The following RMDN2 variants were observed in gnomAD, a reference collection of about 807,000 sequenced individuals.
RMDN2 encodes regulator of microtubule dynamics protein 2.
Under a neutral mutation model 52.8 loss-of-function variants are expected in RMDN2, and 61 were observed. That is an observed-to-expected ratio of 1.16 (90% confidence interval 0.94 to 1.43). RMDN2 has a LOEUF of 1.43. Ranked by LOEUF, RMDN2 falls within the 40% of genes most tolerant of loss-of-function variation. The pLI, the probability that RMDN2 is intolerant of heterozygous loss-of-function variation, is 0.00. For missense variants in RMDN2, 592 were observed against 475.3 expected (o/e 1.25, Z -2.28); for synonymous variants, 180 against 153.1 (o/e 1.18, Z -1.30).
chr2:38,009,075 C>T (rs765383744), intron 10 of RMDN2, among the ~76,000 whole-genome samples: 1 of 152,230 alleles, frequency 6.6e-6, no homozygotes, highest in African/African-American at 2.4e-5. Flanking sequence ...GAGAGATCAG[C>T]TGTTAGTCTG....
intron 10 of RMDN2, among the ~76,000 whole-genome samples, chr2:38,008,824 T>A (rs1468517869): frequency 6.6e-6 from 1 of 152,204 alleles, no homozygotes; most frequent in Non-Finnish European, 1.5e-5. Context: ...ATTTGGCATG[T>A]TTTTGCAGTG....
At chr2:37,991,071 A>G (rs541641797) in intron 6 of RMDN2, 149 bp from the exon 7 acceptor site, 15 of 403,462 alleles carry the variant, frequency 3.7e-5, no homozygotes, top group Non-Finnish European at 6.3e-5. Context: ...TAATTTAGTT[A>G]TTGATAAGAT....
At chr2:37,968,847 G>A (rs530824782) in intron 2 of RMDN2, among the ~76,000 whole-genome samples, 1 of 152,314 alleles carries the variant, frequency 6.6e-6, no homozygotes, top group Admixed American at 6.5e-5. Flanking sequence ...GCCTTTGGGA[G>A]GAGGGCTGGG....
intron 5 of RMDN2, among the ~76,000 whole-genome samples, chr2:37,988,868 A>G (rs1345556034): frequency 6.6e-6 from 1 of 152,216 alleles, no homozygotes; most frequent in African/African-American, 2.4e-5. Context: ...CTTAAAGTCA[A>G]ATAACTATTT....
At position 37,970,515 on chromosome 2, in the gene RMDN2, T is replaced by G. The variant is rs562649253; in HGVS notation, c.453-3525T>G. Among the ~76,000 whole-genome samples, 8 of 152,300 alleles carry G rather than the reference T, an allele frequency of 5.3e-5. No individual in the cohort carries two copies. The East Asian group carries it at 1.5e-3, about 29-fold the overall frequency. Reference sequence around the variant, plus strand: ...ATTTTTATTTTTTGTAATATTCATGTTTGGTTTTTGTGTCAGTTATATTAG... The same window carrying G: ...ATTTTTATTTTTTGTAATATTCATGGTTGGTTTTTGTGTCAGTTATATTAG... On this transcript the variant is annotated intron_variant, in intron 2 of 10. Coordinates refer to ENST00000354545, the MANE Select transcript of RMDN2 (RefSeq NM_001170791.3).
intron 2 of RMDN2, among the ~76,000 whole-genome samples, chr2:37,932,665 G>C (rs1276956802): frequency 6.7e-6 from 1 of 149,502 alleles, no homozygotes; most frequent in Non-Finnish European, 1.5e-5. Context: ...CTCACCTCAC[G>C]GGGCGGCTGG....
intron 2 of RMDN2, among the ~76,000 whole-genome samples, chr2:37,943,933 C>T (rs768186752): frequency 2.1e-4 from 32 of 152,022 alleles, no homozygotes; most frequent in Admixed American, 3.9e-4. Context: ...TAAGAAAAAA[C>T]GATGGTCATA....
intron 10 of RMDN2, among the ~76,000 whole-genome samples, chr2:38,023,486 T>C (rs1423582471): frequency 1.3e-5 from 2 of 152,244 alleles, no homozygotes; most frequent in African/African-American, 2.4e-5. Context: ...GTATTTTGTA[T>C]CTTTTATTTT....
At chr2:37,938,499 ATTC>A in intron 2 of RMDN2, among the ~76,000 whole-genome samples, 1 of 152,206 alleles carries the variant, frequency 6.6e-6, no homozygotes, top group Non-Finnish European at 1.5e-5. Flanking sequence ...CTCTGGTAGA[ATTC>A]AGCTGTGAAT....
chr2:37,925,353 C>T lies in RMDN2; in HGVS notation c.-89C>T, dbSNP rs551046223. 2.0e-5 allele frequency: 3 copies of T among 152,438 alleles called. No homozygotes were observed. Among genetic ancestry groups the T allele is most frequent in the South Asian group, 2.1e-4 (1 of 4,832 alleles). 9.4% of individuals were successfully genotyped at this position (152,438 alleles called of 1,614,324 possible). A position where few individuals can be genotyped will look rare whatever the true frequency, so the allele number is the denominator to read the frequency against. On this transcript the variant is annotated 5_prime_UTR_variant, in exon 1 of 11. Coordinates refer to ENST00000354545, the MANE Select transcript of RMDN2 (RefSeq NM_001170791.3). ...ACCCGCGGGCTCCAGGGCTACTGTC[C>T]GTCCGCCACTGCGCGCCAGCAGGTC...
At chr2:37,992,308 G>C (rs1674911204) in intron 7 of RMDN2, among the ~76,000 whole-genome samples, 1 of 152,036 alleles carries the variant, frequency 6.6e-6, no homozygotes, top group Non-Finnish European at 1.5e-5. Context: ...ATTTTGTTAA[G>C]GAAAAAGGAG....
intron 2 of RMDN2, chr2:37,952,112 A>G: frequency 1.2e-6 from 2 of 1,613,260 alleles, no homozygotes; most frequent in African/African-American, 1.3e-5. Flanking sequence ...CTCAAAGCGA[A>G]TTAACTTCAG....
chr2:37,949,943 C>T (rs1668576252), intron 2 of RMDN2: 2 of 159,946 alleles, frequency 1.3e-5, no homozygotes, highest in Non-Finnish European at 2.8e-5. Context: ...CACAGCATAT[C>T]CCCGTAATCT....
chr2:37,924,628 A>G (rs557414237), upstream of RMDN2, among the ~76,000 whole-genome samples: 1 of 152,160 alleles, frequency 6.6e-6, no homozygotes, highest in Admixed American at 6.5e-5. Context: ...CAGCCTCCCA[A>G]AGTGCTGGGA....
chr2:37,990,410 T>G (rs1167037557), intron 6 of RMDN2, among the ~76,000 whole-genome samples: 2 of 146,052 alleles, frequency 1.4e-5, no homozygotes, highest in Non-Finnish European at 3.0e-5. Context: ...TCCCAGCTAC[T>G]TGGGAGGCTG....
At chr2:37,950,208 GT>G (rs1668604454) in intron 2 of RMDN2, 2 of 362,146 alleles carry the variant, frequency 5.5e-6, no homozygotes, top group Non-Finnish European at 1.1e-5. Flanking sequence ...GAGAGAGATG[GT>G]CCAAGGTGAG....
At chr2:38,022,293 T>C (rs1252771295), downstream of RMDN2, among the ~76,000 whole-genome samples, 4 of 152,360 alleles carry the variant, frequency 2.6e-5, no homozygotes, top group Middle Eastern at 3.4e-3. Context: ...TGTAGAACAT[T>C]ATGCCTACTC....
At chr2:37,988,082 G>T (rs923994901) in intron 5 of RMDN2, among the ~76,000 whole-genome samples, 1 of 152,108 alleles carries the variant, frequency 6.6e-6, no homozygotes, top group Non-Finnish European at 1.5e-5. Flanking sequence ...AATAGTGGGG[G>T]CTATAATGTA....
chr2:38,017,084 A>G lies in RMDN2; in HGVS notation c.1180-102A>G, dbSNP rs564347661. On this transcript the variant is annotated intron_variant, in intron 10 of 10. Transcript: ENST00000354545. ...TACCCTCATGAACCTTAAAGTTCTC[A>G]TGTTGGGGAATCTCCTCAAGTCAGT... 337 of 559,822 alleles carry G rather than the reference A, an allele frequency of 6.0e-4. 1 individual carries two copies. Among genetic ancestry groups the G allele is most frequent in the Middle Eastern group, 1.5e-3 (3 of 1,958 alleles). The allele number at this position is 559,822 out of a possible 1,614,324, so 34.7% of individuals were successfully genotyped here.
Sources: gnomAD v4.1 joint callset for allele counts (sites outside exome capture counted in the v4.1 genomes callset) on GRCh38, gnomAD v4.1.1 for gene constraint, MANE v1.5 for transcripts, NCBI Gene and HGNC (gene_info 2026-07-23, HGNC 2026-07-21) for gene names.